GRM7: variants seen among roughly 807,000 people sequenced by gnomAD.
The protein encoded by GRM7 is metabotropic glutamate receptor 7.
A neutral mutation model predicts 84.5 loss-of-function variants in GRM7; 35 were observed. The ratio of observed to expected loss-of-function variants is 0.41; its 90% CI spans 0.32 to 0.55. The LOEUF (loss-of-function observed/expected upper bound fraction) is 0.55, where lower values mean the gene tolerates loss of function less well. Ranked by LOEUF, GRM7 falls within the 20% of genes least tolerant of loss-of-function variation. The probability of loss-of-function intolerance (pLI) is 0.19; values close to 1 mark genes in which losing one functional copy is unlikely to be tolerated. For missense variants in GRM7, 1,003 were observed against 1,194.6 expected (o/e 0.84, Z 2.36); for synonymous variants, 487 against 455.1 (o/e 1.07, Z -0.89).
intron 1 of GRM7, among the ~76,000 whole-genome samples, chr3:7,034,949 A>G (rs1277441608): frequency 6.6e-6 from 1 of 152,196 alleles, no homozygotes; most frequent in East Asian, 1.9e-4. Context: ...CCGAGGATGA[A>G]GGCCTGGATG....
intron 9 of GRM7, among the ~76,000 whole-genome samples, chr3:7,727,522 A>T (rs1325377316): frequency 6.6e-6 from 1 of 152,212 alleles, no homozygotes; most frequent in African/African-American, 2.4e-5. Flanking sequence ...ATATAAGCAG[A>T]ACACAAAAGG....
At chr3:7,175,730 G>A (rs1695124222) in intron 2 of GRM7, among the ~76,000 whole-genome samples, 1 of 152,026 alleles carries the variant, frequency 6.6e-6, no homozygotes, top group South Asian at 2.1e-4. Flanking sequence ...TAGAGACATG[G>A]TTTCACCATG....
chr3:7,100,385 C>T (rs1286693306), intron 1 of GRM7, among the ~76,000 whole-genome samples: 1 of 151,506 alleles, frequency 6.6e-6, no homozygotes, highest in African/African-American at 2.4e-5. Flanking sequence ...GATGCAGCTC[C>T]CCAAGAGGCT....
chr3:7,437,277 CCTTCT>C (rs1438242596), intron 5 of GRM7, among the ~76,000 whole-genome samples: 1 of 152,144 alleles, frequency 6.6e-6, no homozygotes, highest in African/African-American at 2.4e-5. Context: ...AAATTTGGTG[CCTTCT>C]CTTAGTAGAT....
chr3:6,927,469 GAAAGAAAGAAAGAAAGAA>G (rs1697342747), intron 1 of GRM7, among the ~76,000 whole-genome samples: 13 of 70,652 alleles, frequency 1.8e-4, no homozygotes, highest in Non-Finnish European at 2.5e-4. Context: ...GAGAGAGAAA[GAAAGAAAGAAAGAAAGAA>G]AGAAAGAAAG....
At chr3:7,084,291 A>G (rs904052411) in intron 1 of GRM7, among the ~76,000 whole-genome samples, 1 of 152,108 alleles carries the variant, frequency 6.6e-6, no homozygotes, top group Non-Finnish European at 1.5e-5. Flanking sequence ...CTACAGCAAC[A>G]TCACATGGGC....
chr3:7,102,688 T>C (rs771941700), intron 1 of GRM7, among the ~76,000 whole-genome samples: 1 of 151,750 alleles, frequency 6.6e-6, no homozygotes, highest in Admixed American at 6.6e-5. Flanking sequence ...ACACACATAC[T>C]CGACTGTTTT....
chr3:7,717,568 A>G (rs1176484389), intron 9 of GRM7, among the ~76,000 whole-genome samples: 1 of 152,270 alleles, frequency 6.6e-6, no homozygotes, highest in South Asian at 2.1e-4. Flanking sequence ...CTAAACGGAA[A>G]CCTGGATTCA....
chr3:7,144,280 A>G (rs1285902895), intron 1 of GRM7, among the ~76,000 whole-genome samples: 2 of 152,196 alleles, frequency 1.3e-5, no homozygotes, highest in Non-Finnish European at 1.5e-5. Context: ...TCTCCCTTGT[A>G]AAACAAGTTA....
At chr3:7,723,616 A>G (rs1323755741) in intron 9 of GRM7, among the ~76,000 whole-genome samples, 1 of 152,168 alleles carries the variant, frequency 6.6e-6, no homozygotes, top group Non-Finnish European at 1.5e-5. Flanking sequence ...TGGGAGGCTG[A>G]CATGGGAGGA....
chr3:7,179,130 G>T (rs1171042083), intron 2 of GRM7, among the ~76,000 whole-genome samples: 1 of 151,568 alleles, frequency 6.6e-6, no homozygotes, highest in East Asian at 1.9e-4. Context: ...TGTTATCTTG[G>T]TACTCTAGAA....
At chr3:6,910,934 A>C (rs1395021265) in intron 1 of GRM7, among the ~76,000 whole-genome samples, 1 of 152,128 alleles carries the variant, frequency 6.6e-6, no homozygotes, top group African/African-American at 2.4e-5. Context: ...CATCCACTAG[A>C]AACCACCAAT....
rs529633135 is a variant in GRM7, at chr3:7,702,017, T to C, written c.2698+21722T>C. Reference sequence around the variant, plus strand: ...TGCATTGGACCACATGAAGTCTATATAGAAGAAAAGGGAGGGAGCAGGGAA... The same window carrying C: ...TGCATTGGACCACATGAAGTCTATACAGAAGAAAAGGGAGGGAGCAGGGAA... On this transcript the variant is annotated intron_variant, in intron 9 of 9. Coordinates refer to ENST00000357716, the MANE Select transcript of GRM7 (RefSeq NM_000844.4). 1.3e-4 allele frequency among the ~76,000 whole-genome samples: 20 copies of C among 152,192 alleles called. No homozygotes were observed. The East Asian group carries it at 2.3e-3, about 18-fold the overall frequency.
At chr3:7,088,576 T>C (rs1211526268) in intron 1 of GRM7, among the ~76,000 whole-genome samples, 1 of 150,328 alleles carries the variant, frequency 6.7e-6, no homozygotes, top group Non-Finnish European at 1.5e-5. Context: ...AGGAAACACT[T>C]GGTTACAACC....
At chr3:7,277,325 C>A (rs1699109108) in intron 2 of GRM7, among the ~76,000 whole-genome samples, 1 of 151,490 alleles carries the variant, frequency 6.6e-6, no homozygotes, top group Non-Finnish European at 1.5e-5. Flanking sequence ...CCAAGTAAGA[C>A]AATTTTTGGA....
intron 5 of GRM7, among the ~76,000 whole-genome samples, chr3:7,447,872 T>C (rs6780898): frequency 0.35 from 51,052 of 145,484 alleles, 10,467 homozygotes; most frequent in Non-Finnish European, 0.48. Flanking sequence ...TAGCATTACA[T>C]ATATCTCCTA....
chr3:6,947,386 C>T (rs1294657890), intron 1 of GRM7, among the ~76,000 whole-genome samples: 4 of 152,196 alleles, frequency 2.6e-5, no homozygotes, highest in Non-Finnish European at 5.9e-5. Flanking sequence ...ACCAGCCTTG[C>T]ATCCCAGGGA....
chr3:7,667,456 A>G (rs369268502), intron 8 of GRM7, among the ~76,000 whole-genome samples: 5 of 152,098 alleles, frequency 3.3e-5, no homozygotes, highest in Non-Finnish European at 5.9e-5. Context: ...AACCACCAAC[A>G]CACAAAAAGT....
Position 6,862,433 on chromosome 3 carries a change from G to A in GRM7, c.519+526G>A, listed in dbSNP as rs575295641. On this transcript the variant is annotated intron_variant, in intron 1 of 9. Transcript: ENST00000357716. The surrounding 1 kb of genome is among the most constrained non-coding windows in gnomAD (Gnocchi z 5.2). The stretch of plus-strand genomic sequence containing the variant: ...TCGAGGGCTCCGTCTTAACCTAGAT[G>A]TGGATGTTAAGTCCGCATCTCCCTC... 3.9e-5 allele frequency among the ~76,000 whole-genome samples: 6 copies of A among 152,228 alleles called. No homozygotes were observed. Among genetic ancestry groups the A allele is most frequent in the African/African-American group, 1.4e-4 (6 of 41,570 alleles).
Sources: gnomAD v4.1 joint callset for allele counts (sites outside exome capture counted in the v4.1 genomes callset) on GRCh38, gnomAD v4.1.1 for gene constraint, Gnocchi (gnomAD v3.1) non-coding constraint, MANE v1.5 for transcripts, NCBI Gene and HGNC (gene_info 2026-07-23, HGNC 2026-07-21) for gene names.